The following KIF3C variants were observed in gnomAD, a reference collection of about 807,000 sequenced individuals.
The protein encoded by KIF3C is kinesin-like protein KIF3C.
A neutral mutation model predicts 67.7 loss-of-function variants in KIF3C; 12 were observed. The observed-to-expected ratio is 0.18, with a 90% CI of 0.11 to 0.29. The LOEUF (loss-of-function observed/expected upper bound fraction) is 0.29. Ranked by LOEUF, KIF3C falls within the 10% of genes least tolerant of loss-of-function variation. The pLI, the probability that KIF3C is intolerant of heterozygous loss-of-function variation, is 1.00. For missense variants in KIF3C, 789 were observed against 1,059.6 expected, an observed-to-expected ratio of 0.74 and a Z score of 3.55; for synonymous variants, 393 against 426.2, an observed-to-expected ratio of 0.92 and a Z score of 0.96.
chr2:25,972,411 C>A (rs1012038175), intron 1 of KIF3C, among the ~76,000 whole-genome samples: 1 of 152,122 alleles, frequency 6.6e-6, no homozygotes, highest in Non-Finnish European at 1.5e-5. Context: ...GCCCCCAGGA[C>A]GCAACGATTC....
chr2:25,945,796 C>T (rs1327510783), intron 5 of KIF3C, among the ~76,000 whole-genome samples: 1 of 151,850 alleles, frequency 6.6e-6, no homozygotes. Flanking sequence ...CAACTTAACA[C>T]TATGGAGGTA....
chr2:25,970,292 T>C (rs73920216), intron 1 of KIF3C, among the ~76,000 whole-genome samples: 8,732 of 152,270 alleles, frequency 0.057, 584 homozygotes, highest in African/African-American at 0.16. Context: ...CATTCCTTAA[T>C]GTGCCTCAGT....
chr2:25,974,526 G>GT (rs1172084280), intron 1 of KIF3C, among the ~76,000 whole-genome samples: 1 of 152,116 alleles, frequency 6.6e-6, no homozygotes, highest in Non-Finnish European at 1.5e-5. Context: ...CAATAGCACT[G>GT]TAACAAAGAT....
At chr2:25,946,717 C>T (rs764115276) in intron 5 of KIF3C, among the ~76,000 whole-genome samples, 3 of 150,812 alleles carry the variant, frequency 2.0e-5, no homozygotes, top group African/African-American at 7.3e-5. Context: ...GGCTGGGTGT[C>T]GTGGTGTGCA....
At chr2:25,977,347 CAGAG>C (rs1291396552) in intron 1 of KIF3C, among the ~76,000 whole-genome samples, 3 of 152,130 alleles carry the variant, frequency 2.0e-5, no homozygotes, top group African/African-American at 7.2e-5. Context: ...TAGCTGCCCC[CAGAG>C]GGTGGCATGA....
At chr2:25,973,865 G>A (rs572576244) in intron 1 of KIF3C, among the ~76,000 whole-genome samples, 1 of 152,274 alleles carries the variant, frequency 6.6e-6, no homozygotes, top group Non-Finnish European at 1.5e-5. Context: ...TAACCGGCTT[G>A]GGCAGGCAAG....
chr2:25,962,432 T>C (rs1574491669), intron 1 of KIF3C, among the ~76,000 whole-genome samples: 1 of 151,840 alleles, frequency 6.6e-6, no homozygotes, highest in Non-Finnish European at 1.5e-5. Flanking sequence ...CAGGCTGGAG[T>C]GCAATGGCAC....
chr2:25,939,660 C>T (rs1663234617), intron 5 of KIF3C, among the ~76,000 whole-genome samples: 1 of 152,114 alleles, frequency 6.6e-6, no homozygotes, highest in Non-Finnish European at 1.5e-5. Flanking sequence ...TCTTTAAACC[C>T]AGAGGCAGAG....
At chr2:25,954,175 G>A in intron 4 of KIF3C, 92 bp downstream of exon 4, 2 of 899,820 alleles carry the variant, frequency 2.2e-6, no homozygotes. Context: ...CATGGGAGAG[G>A]AGACAGTCAG....
intron 1 of KIF3C, among the ~76,000 whole-genome samples, chr2:25,971,792 C>T (rs891904089): frequency 1.3e-5 from 2 of 149,304 alleles, no homozygotes; most frequent in South Asian, 2.1e-4. Context: ...ACTGAAACCT[C>T]GAACTCCTAG....
At position 25,945,023 on chromosome 2, in the gene KIF3C, C is replaced by G. The variant is rs373042055; in HGVS notation, c.2006+6766G>C. Among the ~76,000 whole-genome samples, 3 of 151,608 alleles carry G rather than the reference C, an allele frequency of 2.0e-5. No homozygotes were observed. The East Asian group carries it at 5.9e-4, about 30-fold the overall frequency. On this transcript the variant is annotated intron_variant, in intron 5 of 7. Coordinates refer to ENST00000264712, the MANE Select transcript of KIF3C (RefSeq NM_002254.8). ...GCGGGCACCTGTAATCCCAGCTACT[C>G]AGGAGGCTGAGGCAGGAGAATCACT...
In KIF3C at chr2:25,981,657, C is replaced by T; in HGVS notation, c.261G>A (p.Gln87=). 6.2e-7 allele frequency: 1 copy of T among 1,614,182 alleles called. No homozygotes were observed. Among genetic ancestry groups the T allele is most frequent in the Non-Finnish European group, 8.5e-7 (1 of 1,180,042 alleles). The change falls in exon 1 of 8, where the codon CAG becomes CAA. Residue 87 remains glutamine, a synonymous_variant. Transcript: ENST00000264712. The surrounding 1 kb of genome is among the most constrained non-coding windows in gnomAD (Gnocchi z 8.2). ...TVRPLIDSVL[Q]GFNGTVFAYG... is the part of the protein sequence containing the mutation. Reference sequence around the variant, plus strand: ...AGGCAAACACCGTGCCATTGAAACCCTGGAGCACGGAGTCTATCAGGGGCC... The same window carrying T: ...AGGCAAACACCGTGCCATTGAAACCTTGGAGCACGGAGTCTATCAGGGGCC...
chr2:25,951,609 T>A (rs545901343), intron 5 of KIF3C, 180 bp downstream of exon 5: 1 of 554,980 alleles, frequency 1.8e-6, no homozygotes, highest in Non-Finnish European at 3.2e-6. Context: ...CACCCTTCCA[T>A]CATAGAGACC....
intron 1 of KIF3C, among the ~76,000 whole-genome samples, chr2:25,957,902 G>A (rs930176516): frequency 1.4e-4 from 21 of 152,182 alleles, no homozygotes; most frequent in African/African-American, 5.1e-4. Context: ...CACTGCAGCC[G>A]CCTGCGCTCC....
chr2:25,975,830 C>A (rs1056002418), intron 1 of KIF3C, among the ~76,000 whole-genome samples: 19 of 151,794 alleles, frequency 1.3e-4, no homozygotes, highest in African/African-American at 4.4e-4. Flanking sequence ...TGGTGGTGGG[C>A]GCCTGTAGTC....
In KIF3C at chr2:25,982,361, C is replaced by A. The variant is rs1664626699; in HGVS notation, c.-444G>T. ...TGCCGGTCGTGGGCGGCCGGGGGTC[C>A]CGGGCCTCCCGAGGGCAGAGGCTCA... On this transcript the variant is annotated 5_prime_UTR_variant, in exon 1 of 8. An upstream open reading frame in the 5' UTR gains an earlier in-frame stop. Transcript: ENST00000264712. The A allele has an allele frequency of 2.5e-6, 1 of 399,048 alleles. No homozygotes were observed. Among genetic ancestry groups the A allele is most frequent in the Non-Finnish European group, 4.4e-6 (1 of 226,382 alleles). 24.7% of individuals were successfully genotyped at this position (399,048 alleles called of 1,614,324 possible).
In KIF3C at chr2:25,981,401, T is replaced by C. The variant is rs898636917; in HGVS notation, c.517A>G (p.Thr173Ala). The C allele has an allele frequency of 6.2e-7, 1 of 1,614,070 alleles. No homozygotes were observed. The highest frequency in any genetic ancestry group is 1.3e-5 in the African/African-American group (1 of 74,922). The change falls in exon 1 of 8, where the codon ACT becomes GCT. Residue 173 changes from threonine (T) to alanine (A), a missense_variant. Thr to Ala is a moderately conservative substitution (Grantham distance 58, BLOSUM62 0). Around this residue, in one of 2 missense-constraint regions of KIF3C, gnomAD observed 141 missense variants for 251.8 expected, o/e 0.56. Coordinates refer to ENST00000264712, the MANE Select transcript of KIF3C (RefSeq NM_002254.8). The surrounding 1 kb of genome is among the most constrained non-coding windows in gnomAD (Gnocchi z 8.2). ...GAGAGGTCCTTGATGTAGACGCCAG[T>C]CTCGGGGTTCTCTTTCAGCTCTAGC... ...KRLELKENPE[T>A]GVYIKDLSSF...
chr2:25,955,612 TCTC>T lies in KIF3C; in HGVS notation c.1696_1698del (p.Glu566del). ...GTGTAGGTGCCCCGGAGCTCCATAG[TCTC>T]CTCGTCCCGGAGCATCATCTCCTGC... On this transcript the variant is annotated inframe_deletion, in exon 3 of 8. Coordinates refer to ENST00000264712, the MANE Select transcript of KIF3C (RefSeq NM_002254.8). The surrounding 1 kb of genome is among the most constrained non-coding windows in gnomAD (Gnocchi z 5.0). The T allele has an allele frequency of 6.2e-7, 1 of 1,613,994 alleles. No homozygotes were observed. Among genetic ancestry groups the T allele is most frequent in the Non-Finnish European group, 8.5e-7 (1 of 1,179,940 alleles).
At position 25,928,700 on chromosome 2, in the gene KIF3C, A is replaced by G; in HGVS notation, c.*278T>C. ...ATCTGACTGGGGGAGCTCTCAAGTC[A>G]GAAGAAAAAGAGGCTACGCAGTGAC... On this transcript the variant is annotated 3_prime_UTR_variant, in exon 8 of 8. Coordinates refer to ENST00000264712, the MANE Select transcript of KIF3C (RefSeq NM_002254.8). 3.5e-6 allele frequency: 1 copy of G among 288,348 alleles called. No homozygotes were observed. Among genetic ancestry groups the G allele is most frequent in the Non-Finnish European group, 6.5e-6 (1 of 152,770 alleles). 17.9% of individuals were successfully genotyped at this position (288,348 alleles called of 1,614,324 possible). A position where few individuals can be genotyped will look rare whatever the true frequency, so the allele number is the denominator to read the frequency against.
Sources: allele counts gnomAD v4.1 joint callset (sites outside exome capture counted in the v4.1 genomes callset), GRCh38; gene constraint gnomAD v4.1.1; regional missense constraint gnomAD v4.1.1; non-coding constraint Gnocchi (gnomAD v3.1); transcripts MANE v1.5; gene names NCBI Gene and HGNC (gene_info 2026-07-23, HGNC 2026-07-21).